The following CTDSPL variants were observed in gnomAD, a reference collection of about 807,000 sequenced individuals.
CTDSPL encodes the protein CTD small phosphatase-like protein.
Under a neutral mutation model 30.5 loss-of-function variants are expected in CTDSPL, and 8 were observed. That is an observed-to-expected ratio of 0.26 (90% CI 0.15 to 0.47). The LOEUF (loss-of-function observed/expected upper bound fraction) is 0.47, where lower values mean the gene tolerates loss of function less well. Ranked by LOEUF, CTDSPL falls within the 20% of genes least tolerant of loss-of-function variation. The pLI, the probability that CTDSPL is intolerant of heterozygous loss-of-function variation, is 0.99. For synonymous variants in CTDSPL, 110 were observed against 137.9 expected (o/e 0.80, Z 1.42); for missense variants, 248 against 366.1 (o/e 0.68, Z 2.63).
intron 1 of CTDSPL, among the ~76,000 whole-genome samples, chr3:37,902,921 C>A (rs1698468329): frequency 6.6e-6 from 1 of 152,208 alleles, no homozygotes; most frequent in South Asian, 2.1e-4. Flanking sequence ...CAGTATTGCA[C>A]AACTCTAGGG....
intron 1 of CTDSPL, among the ~76,000 whole-genome samples, chr3:37,928,836 A>G (rs1014011795): frequency 6.6e-6 from 1 of 152,230 alleles, no homozygotes; most frequent in African/African-American, 2.4e-5. Context: ...TTAGTGTCAT[A>G]TCCAAGAAAT....
At chr3:37,940,231 G>T (rs1343425839) in intron 1 of CTDSPL, among the ~76,000 whole-genome samples, 1 of 150,492 alleles carries the variant, frequency 6.6e-6, no homozygotes, top group East Asian at 1.9e-4. Context: ...ATATTCAAAT[G>T]TCTCTCCTGC....
At chr3:37,918,611 T>A (rs1193432085) in intron 1 of CTDSPL, among the ~76,000 whole-genome samples, 1 of 152,266 alleles carries the variant, frequency 6.6e-6, no homozygotes, top group Non-Finnish European at 1.5e-5. Context: ...TTACATGTTC[T>A]CTTGATTTAA....
intron 1 of CTDSPL, among the ~76,000 whole-genome samples, chr3:37,940,479 T>C (rs1698965147): frequency 6.6e-6 from 1 of 150,674 alleles, no homozygotes; most frequent in South Asian, 2.1e-4. Context: ...AATCTGTCCT[T>C]CTTTGTAACC....
chr3:37,973,501 C>T (rs549083666), intron 6 of CTDSPL, among the ~76,000 whole-genome samples: 23 of 152,348 alleles, frequency 1.5e-4, no homozygotes, highest in African/African-American at 2.4e-4. Flanking sequence ...CTTGCTGAGC[C>T]GAATCAGCTC....
intron 2 of CTDSPL, chr3:37,954,980 CATTTT>C (rs1699154610): frequency 6.6e-6 from 1 of 152,206 alleles, no homozygotes; most frequent in Non-Finnish European, 1.5e-5. Context: ...TCATAGTGGG[CATTTT>C]TTCAGGCCCT....
intron 2 of CTDSPL, among the ~76,000 whole-genome samples, chr3:37,952,215 G>GGA (rs140183217): frequency 1.3e-5 from 2 of 151,636 alleles, no homozygotes; most frequent in African/African-American, 2.4e-5. Flanking sequence ...AGGAATGAAA[G>GGA]GAGAGAGAGA....
chr3:37,948,140 C>G (rs946801887), intron 2 of CTDSPL, among the ~76,000 whole-genome samples: 2 of 152,046 alleles, frequency 1.3e-5, no homozygotes, highest in African/African-American at 4.8e-5. Context: ...AAAAATTAGC[C>G]AGGCATGGTG....
At chr3:37,882,726 C>A (rs892084593) in intron 1 of CTDSPL, among the ~76,000 whole-genome samples, 1 of 152,144 alleles carries the variant, frequency 6.6e-6, no homozygotes, top group African/African-American at 2.4e-5. Flanking sequence ...GGTTAAAATG[C>A]AGTTATTACA....
At chr3:37,953,155 G>A (rs1330550472) in intron 2 of CTDSPL, among the ~76,000 whole-genome samples, 2 of 152,108 alleles carry the variant, frequency 1.3e-5, no homozygotes, top group African/African-American at 4.8e-5. Context: ...AAAATCTGAT[G>A]TGTATTTTAT....
chr3:37,905,863 T>A (rs1476649359), intron 1 of CTDSPL, among the ~76,000 whole-genome samples: 1 of 152,200 alleles, frequency 6.6e-6, no homozygotes, highest in African/African-American at 2.4e-5. Context: ...GAAAGCCTGA[T>A]ATTTTTCCAG....
rs551095658 is a variant in CTDSPL at position 37,974,979 on chromosome 3, G to A, written c.520-730G>A. On this transcript the variant is annotated intron_variant, in intron 6 of 7. Transcript: ENST00000273179. ...TGTTTCAGGCCTGGGCCCTGACAAG[G>A]AGAGAGGAAATCAAGCAATCCCACA... Among the ~76,000 whole-genome samples, 14 of 152,358 alleles carry A rather than the reference G, an allele frequency of 9.2e-5. No individual in the cohort carries two copies. In the South Asian group the frequency reaches 2.9e-3, roughly 32 times the overall value.
At chr3:37,868,232 C>T (rs959976907) in intron 1 of CTDSPL, among the ~76,000 whole-genome samples, 1 of 151,906 alleles carries the variant, frequency 6.6e-6, no homozygotes, top group Non-Finnish European at 1.5e-5. Context: ...GATGAGCTGT[C>T]CCTTCATGTC....
In CTDSPL at chr3:37,975,612, C is replaced by A. The variant is rs1016035792; in HGVS notation, c.520-97C>A. The stretch of plus-strand genomic sequence containing the variant: ...CTAAGACACATCTAATTATTAAATC[C>A]ATTTTTAAAAAACGTAATCTGGATC... On this transcript the variant is annotated intron_variant, in intron 6 of 7. Transcript: ENST00000273179. The surrounding 1 kb of genome is among the most constrained non-coding windows in gnomAD (Gnocchi z 4.9). 22 of 1,100,272 alleles carry A rather than the reference C, an allele frequency of 2.0e-5. No individual in the cohort carries two copies. In the Admixed American group the frequency reaches 3.0e-4, roughly 15 times the overall value. The allele number at this position is 1,100,272 out of a possible 1,614,324, so 68.2% of individuals were successfully genotyped here.
intron 1 of CTDSPL, among the ~76,000 whole-genome samples, chr3:37,916,910 C>T (rs1698656239): frequency 6.6e-6 from 1 of 152,166 alleles, no homozygotes; most frequent in African/African-American, 2.4e-5. Context: ...GAGGCATCAA[C>T]AATCTGGGTG....
rs1699411745 is a variant in CTDSPL at position 37,975,227 on chromosome 3, T to C, written c.520-482T>C. Among the ~76,000 whole-genome samples, 1 of 152,170 alleles carries C rather than the reference T, an allele frequency of 6.6e-6. No homozygotes were observed. Among genetic ancestry groups the C allele is most frequent in the Non-Finnish European group, 1.5e-5 (1 of 68,030 alleles). On this transcript the variant is annotated intron_variant, in intron 6 of 7. Coordinates refer to ENST00000273179, the MANE Select transcript of CTDSPL (RefSeq NM_001008392.2). The surrounding 1 kb of genome is among the most constrained non-coding windows in gnomAD (Gnocchi z 4.9). ...ATGGAGCTCATTCAGCTGTGCCATG[T>C]GGGACGCAGCAGTGAGGAACGTGGG...
chr3:37,885,388 G>A (rs1344804824), intron 1 of CTDSPL, among the ~76,000 whole-genome samples: 2 of 152,314 alleles, frequency 1.3e-5, no homozygotes, highest in Non-Finnish European at 2.9e-5. Flanking sequence ...CTTCCTCATG[G>A]ATGAGAGCAT....
At chr3:37,977,627 ACCTATAAT>A (rs1205708915) in intron 7 of CTDSPL, among the ~76,000 whole-genome samples, 157 of 150,444 alleles carry the variant, frequency 1.0e-3, no homozygotes, top group African/African-American at 3.7e-3. Context: ...AATGGCTCAC[ACCTATAAT>A]CCCAGCACTT....
At chr3:37,954,344 A>T (rs927963957) in intron 2 of CTDSPL, 1 of 152,222 alleles carries the variant, frequency 6.6e-6, no homozygotes, top group Admixed American at 6.5e-5. Flanking sequence ...AAGTGGGGTG[A>T]TACGTCATTT....
Sources: allele counts gnomAD v4.1 joint callset (sites outside exome capture counted in the v4.1 genomes callset), GRCh38; gene constraint gnomAD v4.1.1; non-coding constraint Gnocchi (gnomAD v3.1); transcripts MANE v1.5; gene names NCBI Gene and HGNC (gene_info 2026-07-23, HGNC 2026-07-21).